ADAMTSL2: variants seen among roughly 807,000 people sequenced by gnomAD.
ADAMTSL2 encodes ADAMTS like 2.
ADAMTSL2 carries 55 observed loss-of-function variants against 117.0 expected under a neutral mutation model. The ratio of observed to expected loss-of-function variants is 0.47; its 90% CI spans 0.38 to 0.59. The LOEUF (loss-of-function observed/expected upper bound fraction) is 0.59. ADAMTSL2 is among the 20% of genes least tolerant of loss of function. The pLI, the probability that ADAMTSL2 is intolerant of heterozygous loss-of-function variation, is 0.00. For missense variants in ADAMTSL2, 1,182 were observed against 1,354.5 expected (o/e 0.87, Z 2.00); for synonymous variants, 572 against 566.4 (o/e 1.01, Z -0.14).
rs1179826431 is a variant in ADAMTSL2 at position 133,568,266 on chromosome 9, G to T, written c.1875-7G>T. 5.8e-6 allele frequency: 9 copies of T among 1,558,988 alleles called. No homozygotes were observed. The African/African-American group carries it at 1.2e-4, about 21-fold the overall frequency. On this transcript the variant is annotated splice_polypyrimidine_tract_variant and splice_region_variant and intron_variant, in intron 13 of 18. Coordinates refer to ENST00000651351, the MANE Select transcript of ADAMTSL2 (RefSeq NM_014694.4). Reference sequence around the variant, plus strand: ...GGATCATTGAAGGCCATCCGCTCCCGGGGCAGGTGGGAGACGAGCAGCTGG... The same window carrying T: ...GGATCATTGAAGGCCATCCGCTCCCTGGGCAGGTGGGAGACGAGCAGCTGG...
chr9:133,553,594 G>A (rs978955809), intron 9 of ADAMTSL2, among the ~76,000 whole-genome samples: 5 of 152,184 alleles, frequency 3.3e-5, no homozygotes, highest in South Asian at 2.1e-4. Flanking sequence ...TTTCACAACC[G>A]CTTCACTGTC....
rs902027394 is a variant in ADAMTSL2 at position 133,570,643 on chromosome 9, G to A, written c.2592+136G>A. The A allele has an allele frequency of 5.9e-5, 59 of 997,602 alleles. 1 individual carries two copies. Among genetic ancestry groups the A allele is most frequent in the Middle Eastern group, 2.7e-4 (1 of 3,674 alleles). 61.8% of individuals were successfully genotyped at this position (997,602 alleles called of 1,614,324 possible). A position where few individuals can be genotyped will look rare whatever the true frequency, so the allele number is the denominator to read the frequency against. ...AGCCTCTGTGAGGGCTTTCCTTCCCGGGAAAGCTTCTCAACTCCACCACGT... is the reference window on the plus strand; with the variant it reads ...AGCCTCTGTGAGGGCTTTCCTTCCCAGGAAAGCTTCTCAACTCCACCACGT... On this transcript the variant is annotated intron_variant, in intron 17 of 18. Transcript: ENST00000651351.
rs1830591756 is a variant in ADAMTSL2 at position 133,555,744 on chromosome 9, G to A, written c.1463G>A (p.Arg488Lys). The A allele has an allele frequency of 1.9e-6, 3 of 1,614,050 alleles. No homozygotes were observed. Among genetic ancestry groups the A allele is most frequent in the Non-Finnish European group, 8.5e-7 (1 of 1,180,044 alleles). Residue 488 changes from arginine to lysine, a missense_variant, in exon 11 of 19, where the codon AGG becomes AAG. Around this residue, in one of 3 missense-constraint regions of ADAMTSL2, gnomAD observed 345 missense variants for 325.8 expected, o/e 1.06. Coordinates refer to ENST00000651351, the MANE Select transcript of ADAMTSL2 (RefSeq NM_014694.4). ...AGCATCTTTGCACAGGGCGCCCCAA[G>A]GAGCTCCCTGGCCGAGAGCTTCTTC... ...VNSIFAQGAP[R>K]SSLAESFFVD...
chr9:133,569,583 G>A lies in ADAMTSL2; in HGVS notation c.2415+5G>A. 6.4e-7 allele frequency: 1 copy of A among 1,563,458 alleles called. No individual in the cohort carries two copies. ...CTGGCCCAGGACTGGGAGCGGGTGA[G>A]TGCCCCAGAGCCCGCGGAAGGGCCT... On this transcript the variant is annotated splice_donor_5th_base_variant and intron_variant, in intron 16 of 18. Transcript: ENST00000651351.
chr9:133,544,638 C>A, intron 8 of ADAMTSL2, 88 bp downstream of exon 8: 2 of 1,145,172 alleles, frequency 1.7e-6, no homozygotes, highest in Non-Finnish European at 2.6e-6. Flanking sequence ...TGACCCTGGA[C>A]CCCTTCCTCC....
At chr9:133,562,901 T>A (rs9330156) in intron 12 of ADAMTSL2, among the ~76,000 whole-genome samples, 1 of 48,114 alleles carries the variant, frequency 2.1e-5, no homozygotes, top group Non-Finnish European at 4.1e-5. Context: ...TGGCCAGGCT[T>A]GCACCGCTGT....
intron 1 of ADAMTSL2, 92 bp from the exon 2 acceptor site, chr9:133,536,471 G>A (rs1375764758): frequency 6.8e-7 from 1 of 1,465,686 alleles, no homozygotes; most frequent in Non-Finnish European, 9.1e-7. Flanking sequence ...ACCGCCGCTG[G>A]GTGTCTTGCC....
intron 12 of ADAMTSL2, 112 bp downstream of exon 12, chr9:133,561,407 G>A: frequency 1.0e-6 from 1 of 1,000,108 alleles, no homozygotes; most frequent in South Asian, 1.4e-5. Context: ...CTGCCCTCGG[G>A]GTGCTTGTCC....
At position 133,570,407 on chromosome 9, in the gene ADAMTSL2, C is replaced by T. The variant is rs937350486; in HGVS notation, c.2492C>T (p.Thr831Met). ...GAGCTGGCCAACGGGAAGCCGCAGA[C>T]GCGCAGTGGCCCCGAGTGCGGGCTC... ...CMELANGKPQ[T>M]RSGPECGLAK... is the part of the protein sequence containing the mutation. Residue 831 changes from threonine to methionine, a missense_variant, in exon 17 of 19, where the codon ACG becomes ATG. Physicochemically the swap from Thr to Met is moderately conservative, Grantham distance 81. Coordinates refer to ENST00000651351, the MANE Select transcript of ADAMTSL2 (RefSeq NM_014694.4). 6.5e-5 allele frequency: 103 copies of T among 1,589,674 alleles called. No homozygotes were observed. Among genetic ancestry groups the T allele is most frequent in the Admixed American group, 2.6e-4 (15 of 57,356 alleles).
intron 16 of ADAMTSL2, 89 bp downstream of exon 16, chr9:133,569,667 G>T (rs1435063384): frequency 1.3e-5 from 17 of 1,324,882 alleles, no homozygotes; most frequent in Non-Finnish European, 1.8e-5. Flanking sequence ...GACCACAGAT[G>T]GGTGAAAAAG....
Position 133,547,018 on chromosome 9 carries a change from C to T in ADAMTSL2, c.764-20C>T, listed in dbSNP as rs201851548. The stretch of plus-strand genomic sequence containing the variant: ...CCCAGCCAGTTTGGCCTTTTGTGAC[C>T]GGCGGCTTTGCCCTTCCAGCTCTTG... On this transcript the variant is annotated intron_variant, in intron 8 of 18. Transcript: ENST00000651351. The T allele has an allele frequency of 3.5e-4, 564 of 1,613,766 alleles. No homozygotes were observed. The East Asian group carries it at 4.8e-3, about 14-fold the overall frequency.
chr9:133,569,349 G>C, intron 15 of ADAMTSL2, 59 bp from the exon 16 acceptor site: 1 of 1,573,888 alleles, frequency 6.4e-7, no homozygotes, highest in African/African-American at 1.3e-5. Context: ...GACATCCAGG[G>C]CCCCTCCTGG....
chr9:133,573,777 G>A (rs373354143), intron 17 of ADAMTSL2, 66 bp from the exon 18 acceptor site: 11 of 1,601,674 alleles, frequency 6.9e-6, no homozygotes, highest in South Asian at 4.4e-5. Flanking sequence ...CAGGTTCCCC[G>A]CCCCCTGCCC....
intron 4 of ADAMTSL2, 21 bp downstream of exon 4, chr9:133,538,445 G>A (rs781598678): frequency 6.2e-7 from 1 of 1,612,256 alleles, no homozygotes; most frequent in Non-Finnish European, 8.5e-7. Flanking sequence ...GCCCGGGCAG[G>A]GGCACCATGG....
chr9:133,532,364 T>C (rs186138478), upstream of ADAMTSL2: 29 of 152,274 alleles, frequency 1.9e-4, no homozygotes, highest in African/African-American at 6.7e-4. Context: ...GCCCAGCTAA[T>C]TTTTGTATTT....
intron 9 of ADAMTSL2, among the ~76,000 whole-genome samples, chr9:133,552,699 C>T (rs1830514738): frequency 6.6e-6 from 1 of 152,166 alleles, no homozygotes; most frequent in African/African-American, 2.4e-5. Flanking sequence ...GTGGAGGCCA[C>T]CACTTGGTGG....
At position 133,574,729 on chromosome 9, in the gene ADAMTSL2, C is replaced by T. The variant is rs1831188303; in HGVS notation, c.2738-17C>T. On this transcript the variant is annotated splice_polypyrimidine_tract_variant and intron_variant, in intron 18 of 18. Coordinates refer to ENST00000651351, the MANE Select transcript of ADAMTSL2 (RefSeq NM_014694.4). ...CCTCCTGAAACTGCCCTGCTTCGCT[C>T]TGTGTTCCTTCTCCAGATGACAGCT... is the stretch of plus-strand genomic sequence containing the variant. 6.2e-7 allele frequency: 1 copy of T among 1,610,362 alleles called. No homozygotes were observed.
At chr9:133,572,263 C>T (rs1207644671) in intron 17 of ADAMTSL2, among the ~76,000 whole-genome samples, 1 of 150,576 alleles carries the variant, frequency 6.6e-6, no homozygotes, top group Non-Finnish European at 1.5e-5. Context: ...CTCACTCATT[C>T]CCTGTTGCCC....
intron 16 of ADAMTSL2, 33 bp downstream of exon 16, chr9:133,569,611 TG>T: frequency 1.9e-6 from 3 of 1,550,674 alleles, no homozygotes; most frequent in Non-Finnish European, 2.6e-6. Context: ...AAGGGCCTCC[TG>T]GTATCTGGAG....
Sources: gnomAD v4.1 joint callset for allele counts (sites outside exome capture counted in the v4.1 genomes callset) on GRCh38, gnomAD v4.1.1 for gene constraint, gnomAD v4.1.1 regional missense constraint, MANE v1.5 for transcripts, NCBI Gene and HGNC (gene_info 2026-07-23, HGNC 2026-07-21) for gene names.